Variants in PDIA5 observed in about 807,000 individuals in gnomAD.
PDIA5 encodes the protein protein disulfide-isomerase A5.
Under a neutral mutation model 77.6 loss-of-function variants are expected in PDIA5, and 58 were observed. That is an observed-to-expected ratio of 0.75 (90% CI 0.61 to 0.93). The LOEUF (loss-of-function observed/expected upper bound fraction) is 0.93, where lower values mean the gene tolerates loss of function less well. Among genes scored for constraint, PDIA5 ranks in the 40% least tolerant of loss-of-function variants. PDIA5 has a pLI of 0.00. For missense variants in PDIA5, 630 were observed against 647.7 expected (o/e 0.97, Z 0.30); for synonymous variants, 250 against 252.1 (o/e 0.99, Z 0.08).
At chr3:123,133,843 A>G (rs1319378005) in intron 11 of PDIA5, among the ~76,000 whole-genome samples, 1 of 152,230 alleles carries the variant, frequency 6.6e-6, no homozygotes, top group Non-Finnish European at 1.5e-5. Context: ...CTCTATGCTA[A>G]TTATAAAAGT....
chr3:123,143,752 C>T (rs1229685148), intron 11 of PDIA5, among the ~76,000 whole-genome samples: 1 of 152,184 alleles, frequency 6.6e-6, no homozygotes, highest in Non-Finnish European at 1.5e-5. Context: ...GAGCCTCCCA[C>T]TTGAGGGTTA....
chr3:123,103,885 A>G (rs1166818672), intron 5 of PDIA5, among the ~76,000 whole-genome samples: 1 of 152,088 alleles, frequency 6.6e-6, no homozygotes. Flanking sequence ...GTTGGGTGGG[A>G]TGGGGGAAGT....
intron 1 of PDIA5, among the ~76,000 whole-genome samples, chr3:123,083,031 C>A (rs1393067770): frequency 4.6e-5 from 7 of 152,252 alleles, no homozygotes; most frequent in Non-Finnish European, 4.4e-5. Context: ...ACACCTGTTA[C>A]AAGAGCACGG....
intron 10 of PDIA5, 122 bp downstream of exon 10, chr3:123,124,465 C>T: frequency 1.3e-6 from 1 of 765,582 alleles, no homozygotes; most frequent in Non-Finnish European, 2.4e-6. Flanking sequence ...AATTGTGGTA[C>T]TGCCTACACA....
Position 123,067,157 on chromosome 3 carries a change from C to G in PDIA5, c.-8C>G. 1 of 1,246,918 alleles carries G rather than the reference C, an allele frequency of 8.0e-7. No individual in the cohort carries two copies. Among genetic ancestry groups the G allele is most frequent in the Non-Finnish European group, 1.0e-6 (1 of 991,228 alleles). 77.2% of individuals were successfully genotyped at this position (1,246,918 alleles called of 1,614,324 possible). A position where few individuals can be genotyped will look rare whatever the true frequency, so the allele number is the denominator to read the frequency against. On this transcript the variant is annotated 5_prime_UTR_variant, in exon 1 of 17. Coordinates refer to ENST00000316218, the MANE Select transcript of PDIA5 (RefSeq NM_006810.4). Reference sequence around the variant, plus strand: ...AGAAAGGAGCCAGCGGTGGGCAGCGCTGCTGGGATGGCGCGGGCCGGGCCG... The same window carrying G: ...AGAAAGGAGCCAGCGGTGGGCAGCGGTGCTGGGATGGCGCGGGCCGGGCCG...
intron 11 of PDIA5, among the ~76,000 whole-genome samples, chr3:123,140,614 G>A (rs1346170109): frequency 1.5e-5 from 2 of 131,458 alleles, no homozygotes; most frequent in Non-Finnish European, 3.2e-5. Context: ...CAGAGCAGGG[G>A]CTGGGAGGAA....
intron 6 of PDIA5, 72 bp from the exon 7 acceptor site, chr3:123,110,872 G>A: frequency 8.2e-7 from 1 of 1,214,802 alleles, no homozygotes; most frequent in South Asian, 1.2e-5. Context: ...GTATGCAGGA[G>A]GGGCGGGGAG....
chr3:123,142,286 G>A (rs566037039), intron 11 of PDIA5, among the ~76,000 whole-genome samples: 5 of 152,370 alleles, frequency 3.3e-5, no homozygotes, highest in African/African-American at 1.2e-4. Context: ...TGTTTCAGGT[G>A]CATCCTATTA....
intron 1 of PDIA5, among the ~76,000 whole-genome samples, chr3:123,081,917 C>T (rs969136202): frequency 1.3e-5 from 2 of 152,176 alleles, no homozygotes; most frequent in African/African-American, 4.8e-5. Flanking sequence ...GATGGAGATG[C>T]TGGGTGGCGA....
At chr3:123,146,376 T>G in intron 13 of PDIA5, 117 bp downstream of exon 13, 1 of 820,038 alleles carries the variant, frequency 1.2e-6, no homozygotes, top group South Asian at 1.7e-5. Flanking sequence ...CCCGTAGGAG[T>G]CAAGACGGAT....
In PDIA5 at chr3:123,141,148, G is replaced by A. The variant is rs115259532; in HGVS notation, c.911-4374G>A. ...AACAGGGTCACTTTAGAAAGCAACA[G>A]TGATTCTCAGTGAATGGCAATGGCT... On this transcript the variant is annotated intron_variant, in intron 11 of 16. Coordinates refer to ENST00000316218, the MANE Select transcript of PDIA5 (RefSeq NM_006810.4). 4.9e-3 allele frequency among the ~76,000 whole-genome samples: 746 copies of A among 152,360 alleles called. 10 individuals are homozygous for A. The highest frequency in any genetic ancestry group is 0.016 in the African/African-American group (673 of 41,592).
intron 3 of PDIA5, among the ~76,000 whole-genome samples, chr3:123,102,207 G>C (rs541713488): frequency 7.9e-4 from 120 of 152,310 alleles, no homozygotes; most frequent in Middle Eastern, 6.8e-3. Context: ...CCCACGCCCA[G>C]CCTCTGTCTT....
At chr3:123,155,635 G>A (rs1936005834) in intron 15 of PDIA5, among the ~76,000 whole-genome samples, 2 of 152,214 alleles carry the variant, frequency 1.3e-5, no homozygotes, top group African/African-American at 4.8e-5. Context: ...CTGAATTCGG[G>A]GAAGTGTGAT....
intron 7 of PDIA5, among the ~76,000 whole-genome samples, chr3:123,113,606 A>T (rs1302361621): frequency 6.6e-6 from 1 of 152,146 alleles, no homozygotes; most frequent in African/African-American, 2.4e-5. Context: ...CGTGTGTATG[A>T]TTTTTTACAA....
In PDIA5 at chr3:123,161,908, C is replaced by A; in HGVS notation, c.1508C>A (p.Ala503Asp). ...TTGGGATTTACCAATTATATTCGAG[C>A]CCTCCGGGAGGGAGACCATGAAAGA... is the stretch of plus-strand genomic sequence containing the variant. ...TELGFTNYIR[A>D]LREGDHERLG... The change falls in exon 17 of 17, where the codon GCC becomes GAC. Residue 503 changes from alanine to aspartate, a missense_variant. Ala to Asp is a moderately radical substitution (Grantham distance 126). Coordinates refer to ENST00000316218, the MANE Select transcript of PDIA5 (RefSeq NM_006810.4). 2 of 1,603,192 alleles carry A rather than the reference C, an allele frequency of 1.2e-6. No homozygotes were observed. The highest frequency in any genetic ancestry group is 1.7e-6 in the Non-Finnish European group (2 of 1,170,544).
At chr3:123,073,526 A>G (rs532176951) in intron 1 of PDIA5, among the ~76,000 whole-genome samples, 2 of 152,236 alleles carry the variant, frequency 1.3e-5, no homozygotes, top group African/African-American at 4.8e-5. Context: ...ACTGTCCCCT[A>G]TTGCCACCCT....
At chr3:123,103,493 T>G (rs1246700229) in intron 5 of PDIA5, among the ~76,000 whole-genome samples, 1 of 152,204 alleles carries the variant, frequency 6.6e-6, no homozygotes, top group East Asian at 1.9e-4. Flanking sequence ...CTAACCCTCC[T>G]GTTTCCCACA....
chr3:123,103,873 T>G (rs1576444352), intron 5 of PDIA5, among the ~76,000 whole-genome samples: 1 of 152,116 alleles, frequency 6.6e-6, no homozygotes, highest in East Asian at 1.9e-4. Context: ...GAACAAGATT[T>G]AGTTGGGTGG....
At chr3:123,152,492 A>G (rs1311144077) in intron 14 of PDIA5, among the ~76,000 whole-genome samples, 1 of 152,208 alleles carries the variant, frequency 6.6e-6, no homozygotes, top group Non-Finnish European at 1.5e-5. Context: ...GACAAAAAAG[A>G]TACATCTTTT....
Sources: gnomAD v4.1 joint callset for allele counts (sites outside exome capture counted in the v4.1 genomes callset) on GRCh38, gnomAD v4.1.1 for gene constraint, MANE v1.5 for transcripts, NCBI Gene and HGNC (gene_info 2026-07-23, HGNC 2026-07-21) for gene names.